LINGO2: variants seen among roughly 807,000 people sequenced by gnomAD.
The protein encoded by LINGO2 is leucine-rich repeat and immunoglobulin-like domain-containing nogo receptor-interacting protein 2.
In LINGO2, 14 loss-of-function variants were observed where a neutral mutation model predicts 30.6. That is an observed-to-expected ratio of 0.46 (90% CI 0.30 to 0.72). The LOEUF is 0.72. Ranked by LOEUF, LINGO2 falls within the 30% of genes least tolerant of loss-of-function variation. The pLI is 0.07. For synonymous variants in LINGO2, 317 were observed against 288.5 expected (o/e 1.10, Z -1.00); for missense variants, 729 against 751.7 (o/e 0.97, Z 0.35).
In LINGO2 at chr9:28,450,041, C is replaced by T. The variant is rs368052312; in HGVS notation, c.-279+25899G>A. 1.8e-4 allele frequency among the ~76,000 whole-genome samples: 28 copies of T among 152,124 alleles called. No homozygotes were observed. The South Asian group carries it at 5.8e-3, about 32-fold the overall frequency. ...ATCACACCATAACTTAGACTCCCTTCTTGAGATGTCTTCTTGCAATATTCA... is the reference window on the plus strand; with the variant it reads ...ATCACACCATAACTTAGACTCCCTTTTTGAGATGTCTTCTTGCAATATTCA... On this transcript the variant is annotated intron_variant, in intron 2 of 5. Coordinates refer to ENST00000379992, the Ensembl canonical transcript of LINGO2.
At chr9:28,968,799 A>AT in the LINGO2 span, among the ~76,000 whole-genome samples, 4 of 152,158 alleles carry the variant, frequency 2.6e-5, no homozygotes, top group Non-Finnish European at 5.9e-5. Context: ...ATAAAGTGCA[A>AT]TTTTAACACA....
intron 1 of LINGO2, among the ~76,000 whole-genome samples, chr9:28,573,888 A>C (rs570801553): frequency 6.6e-6 from 1 of 152,294 alleles, no homozygotes; most frequent in African/African-American, 2.4e-5. Flanking sequence ...CTTTTCATTA[A>C]AAAACAAGAA....
the LINGO2 span, among the ~76,000 whole-genome samples, chr9:28,960,509 G>A: frequency 6.6e-6 from 1 of 150,670 alleles, no homozygotes. Context: ...TCTCTAAAAC[G>A]AACAAACAGA....
chr9:28,000,516 C>G (rs1821895119), intron 5 of LINGO2, among the ~76,000 whole-genome samples: 1 of 152,196 alleles, frequency 6.6e-6, no homozygotes, highest in African/African-American at 2.4e-5. Context: ...AAAATTATTT[C>G]TTTAGGCACC....
the LINGO2 span, among the ~76,000 whole-genome samples, chr9:29,078,639 T>C: frequency 6.6e-6 from 1 of 151,930 alleles, no homozygotes; most frequent in Non-Finnish European, 1.5e-5. Flanking sequence ...TTCATATACA[T>C]TCGGATATAC....
chr9:28,484,843 T>A (rs1458504220), intron 1 of LINGO2, among the ~76,000 whole-genome samples: 1 of 152,116 alleles, frequency 6.6e-6, no homozygotes, highest in Non-Finnish European at 1.5e-5. Context: ...GAGAGAGACA[T>A]CATCTACAGG....
At chr9:28,878,133 C>T in the LINGO2 span, among the ~76,000 whole-genome samples, 38 of 150,240 alleles carry the variant, frequency 2.5e-4, no homozygotes, top group African/African-American at 8.7e-4. Context: ...CAAACAGATG[C>T]AATAAAAAAT....
At chr9:29,008,315 C>T in the LINGO2 span, among the ~76,000 whole-genome samples, 1 of 152,110 alleles carries the variant, frequency 6.6e-6, no homozygotes, top group Non-Finnish European at 1.5e-5. Flanking sequence ...TTTTCTTAAT[C>T]CAGTCTATCA....
At chr9:29,122,064 T>C in the LINGO2 span, among the ~76,000 whole-genome samples, 1 of 151,818 alleles carries the variant, frequency 6.6e-6, no homozygotes, top group Non-Finnish European at 1.5e-5. Context: ...TGTACTACTG[T>C]TTTTTAAAAA....
At chr9:28,215,498 G>A (rs1438483984) in intron 4 of LINGO2, among the ~76,000 whole-genome samples, 1 of 151,776 alleles carries the variant, frequency 6.6e-6, no homozygotes, top group Non-Finnish European at 1.5e-5. Context: ...TTTAAAAAAA[G>A]CATTCATTGT....
At chr9:29,031,542 C>G in the LINGO2 span, among the ~76,000 whole-genome samples, 1 of 151,994 alleles carries the variant, frequency 6.6e-6, no homozygotes, top group South Asian at 2.1e-4. Flanking sequence ...CTCTGCCTCC[C>G]AAAATGCTGA....
intron 1 of LINGO2, among the ~76,000 whole-genome samples, chr9:28,562,609 A>G (rs1439348394): frequency 2.6e-5 from 4 of 152,006 alleles, no homozygotes; most frequent in African/African-American, 9.7e-5. Context: ...TGATGAGGAT[A>G]TAAGGTTTAC....
At chr9:28,533,579 T>C (rs1428661922) in intron 1 of LINGO2, among the ~76,000 whole-genome samples, 1 of 152,164 alleles carries the variant, frequency 6.6e-6, no homozygotes, top group Admixed American at 6.5e-5. Context: ...CAAACTTAGG[T>C]TGATGAATCG....
At chr9:29,207,702 T>C in the LINGO2 span, among the ~76,000 whole-genome samples, 1 of 152,168 alleles carries the variant, frequency 6.6e-6, no homozygotes, top group African/African-American at 2.4e-5. Context: ...AAAATACACT[T>C]ATAGTTTTTA....
chr9:28,718,354 T>C, the LINGO2 span, among the ~76,000 whole-genome samples: 1 of 152,022 alleles, frequency 6.6e-6, no homozygotes, highest in African/African-American at 2.4e-5. Flanking sequence ...AGCTTGAGTC[T>C]CCTGGCAGCC....
chr9:28,709,413 T>C, the LINGO2 span, among the ~76,000 whole-genome samples: 1 of 152,078 alleles, frequency 6.6e-6, no homozygotes. Flanking sequence ...GAATGGTTTG[T>C]TGTTTTTTGA....
intron 1 of LINGO2, among the ~76,000 whole-genome samples, chr9:28,586,070 C>G (rs1824523527): frequency 6.6e-6 from 1 of 151,692 alleles, no homozygotes; most frequent in African/African-American, 2.4e-5. Flanking sequence ...TGTTAAACTA[C>G]AGCAGTAGAA....
intron 4 of LINGO2, among the ~76,000 whole-genome samples, chr9:28,240,295 C>T (rs1187647690): frequency 1.3e-5 from 2 of 151,942 alleles, no homozygotes; most frequent in South Asian, 4.2e-4. Context: ...ATTGATATGA[C>T]ATCACAAAAG....
At chr9:28,370,877 C>A (rs1232311382) in intron 3 of LINGO2, among the ~76,000 whole-genome samples, 1 of 152,080 alleles carries the variant, frequency 6.6e-6, no homozygotes, top group Non-Finnish European at 1.5e-5. Flanking sequence ...TATTTGAAGA[C>A]AAAAATGATT....
Sources: allele counts gnomAD v4.1 joint callset (sites outside exome capture counted in the v4.1 genomes callset), GRCh38; gene constraint gnomAD v4.1.1; transcripts MANE v1.5; gene names NCBI Gene and HGNC (gene_info 2026-07-23, HGNC 2026-07-21).